ARMC8: variants seen among roughly 807,000 people sequenced by gnomAD.
The protein encoded by ARMC8 is armadillo repeat containing 8, also known as armadillo repeat-containing protein 8.
Under a neutral mutation model 99.3 loss-of-function variants are expected in ARMC8, and 20 were observed. The ratio of observed to expected loss-of-function variants is 0.20; its 90% CI spans 0.14 to 0.29. The LOEUF (loss-of-function observed/expected upper bound fraction) is 0.29, where lower values mean the gene tolerates loss of function less well. ARMC8 is among the 10% of genes least tolerant of loss of function. The pLI is 1.00. For missense variants in ARMC8, 569 were observed against 809.5 expected, an observed-to-expected ratio of 0.70 and a Z score of 3.60; for synonymous variants, 263 against 278.3, an observed-to-expected ratio of 0.95 and a Z score of 0.55.
chr3:138,263,957 A>G, intron 13 of ARMC8, 136 bp downstream of exon 13: 3 of 978,412 alleles, frequency 3.1e-6, no homozygotes, highest in Non-Finnish European at 4.8e-6. Context: ...AGAGTATATA[A>G]CATTGTCTAA....
intron 15 of ARMC8, among the ~76,000 whole-genome samples, chr3:138,268,799 A>T (rs1252575461): frequency 6.6e-6 from 1 of 152,142 alleles, no homozygotes; most frequent in Non-Finnish European, 1.5e-5. Context: ...TAAAAAAAAA[A>T]TAGATTCTGA....
At chr3:138,234,033 A>G (rs2046199756) in intron 6 of ARMC8, among the ~76,000 whole-genome samples, 1 of 151,902 alleles carries the variant, frequency 6.6e-6, no homozygotes, top group Admixed American at 6.6e-5. Flanking sequence ...AACAGAATTG[A>G]TGAAAAAAAA....
Position 138,209,908 on chromosome 3 carries a change from T to C in ARMC8, c.122+15T>C. The C allele has an allele frequency of 6.3e-7, 1 of 1,593,222 alleles. No individual in the cohort carries two copies. The highest frequency in any genetic ancestry group is 1.1e-5 in the South Asian group (1 of 89,354). ...CAAGGTGTCATGTAAGTAGTATGTA[T>C]TTAAGAGTCTATCAAAAAGTTGTTT... On this transcript the variant is annotated intron_variant, in intron 2 of 21. Transcript: ENST00000469044.
intron 2 of ARMC8, among the ~76,000 whole-genome samples, chr3:138,217,329 A>G (rs79316364): frequency 6.6e-6 from 1 of 151,000 alleles, no homozygotes; most frequent in Admixed American, 6.6e-5. Flanking sequence ...AATGTATGCT[A>G]TTTTTGACCA....
chr3:138,233,363 G>T (rs2046159578), intron 6 of ARMC8, among the ~76,000 whole-genome samples: 1 of 152,194 alleles, frequency 6.6e-6, no homozygotes, highest in Middle Eastern at 3.4e-3. Flanking sequence ...TTTTACTCTG[G>T]GAATTTATCC....
intron 12 of ARMC8, 71 bp downstream of exon 12, chr3:138,245,254 C>T (rs1553762718): frequency 1.9e-6 from 3 of 1,613,870 alleles, no homozygotes; most frequent in Non-Finnish European, 1.7e-6. Context: ...ACCTGAAAGT[C>T]GTGGTGAAGA....
At chr3:138,211,643 A>AG (rs1401680902) in intron 2 of ARMC8, among the ~76,000 whole-genome samples, 2 of 152,222 alleles carry the variant, frequency 1.3e-5, no homozygotes, top group African/African-American at 4.8e-5. Context: ...GTAGAGTAGA[A>AG]GGAGCGTGGG....
At chr3:138,276,766 C>A (rs1182700255) in intron 18 of ARMC8, among the ~76,000 whole-genome samples, 3 of 152,132 alleles carry the variant, frequency 2.0e-5, no homozygotes, top group Non-Finnish European at 4.4e-5. Context: ...AAATCCAGGA[C>A]CCAAATAAAT....
At chr3:138,286,430 C>G (rs1326434382) in intron 19 of ARMC8, among the ~76,000 whole-genome samples, 1 of 152,200 alleles carries the variant, frequency 6.6e-6, no homozygotes. Flanking sequence ...ACCCCACTTA[C>G]AGCAGACTTC....
At chr3:138,262,663 G>C in intron 12 of ARMC8, 1 of 1,402,386 alleles carries the variant, frequency 7.1e-7, no homozygotes, top group Non-Finnish European at 9.5e-7. Flanking sequence ...TTGGTCTGCT[G>C]TATGGCCTGG....
At chr3:138,245,421 TTG>T in intron 12 of ARMC8, 1 of 1,384,782 alleles carries the variant, frequency 7.2e-7, no homozygotes, top group Non-Finnish European at 9.3e-7. Flanking sequence ...TGCTTTTTTT[TTG>T]TGTCATTAAT....
intron 1 of ARMC8, among the ~76,000 whole-genome samples, chr3:138,206,331 A>T (rs1408960944): frequency 6.6e-6 from 1 of 152,232 alleles, no homozygotes; most frequent in Non-Finnish European, 1.5e-5. Flanking sequence ...TTCAAATTTC[A>T]ATTGCCATAT....
intron 3 of ARMC8, among the ~76,000 whole-genome samples, chr3:138,222,776 G>A (rs868817107): frequency 7.2e-5 from 11 of 152,210 alleles, no homozygotes; most frequent in Admixed American, 1.3e-4. Flanking sequence ...TATGGAGCAT[G>A]AGGGTCCTGT....
chr3:138,239,424 T>G, intron 9 of ARMC8, 44 bp from the exon 10 acceptor site: 1 of 1,454,638 alleles, frequency 6.9e-7, no homozygotes, highest in Non-Finnish European at 9.5e-7. Flanking sequence ...CATTTAAAGC[T>G]TTAAACTCCA....
intron 19 of ARMC8, among the ~76,000 whole-genome samples, chr3:138,286,562 C>T (rs1315244139): frequency 6.6e-6 from 1 of 152,192 alleles, no homozygotes; most frequent in East Asian, 1.9e-4. Flanking sequence ...CTCCTGAGAT[C>T]AGCAGATCAC....
chr3:138,208,453 C>T (rs370018945), intron 1 of ARMC8, among the ~76,000 whole-genome samples: 13 of 152,252 alleles, frequency 8.5e-5, no homozygotes, highest in East Asian at 3.9e-4. Context: ...GGCAACAGAG[C>T]GAGACTTCGT....
chr3:138,239,345 C>T, intron 9 of ARMC8, 123 bp from the exon 10 acceptor site: 1 of 640,414 alleles, frequency 1.6e-6, no homozygotes, highest in Non-Finnish European at 2.7e-6. Context: ...TCAAAATCTT[C>T]ACTCTCAAGA....
At chr3:138,207,252 C>G (rs777739761) in intron 1 of ARMC8, among the ~76,000 whole-genome samples, 1 of 152,134 alleles carries the variant, frequency 6.6e-6, no homozygotes, top group Non-Finnish European at 1.5e-5. Flanking sequence ...TCCTCAGTGC[C>G]GCCTTTATGT....
At chr3:138,202,596 G>A (rs2107995595) in intron 1 of ARMC8, among the ~76,000 whole-genome samples, 1 of 152,254 alleles carries the variant, frequency 6.6e-6, no homozygotes, top group Middle Eastern at 3.4e-3. Context: ...CCTGAGACGT[G>A]ATAACATCAC....
Sources: allele counts gnomAD v4.1 joint callset (sites outside exome capture counted in the v4.1 genomes callset), GRCh38; gene constraint gnomAD v4.1.1; transcripts MANE v1.5; gene names NCBI Gene and HGNC (gene_info 2026-07-23, HGNC 2026-07-21).